The following PHACTR2 variants were observed in gnomAD, a reference collection of about 807,000 sequenced individuals.
The protein encoded by PHACTR2 is phosphatase and actin regulator 2, also known as chromosome 6 open reading frame 56.
In PHACTR2, 30 loss-of-function variants were observed where a neutral mutation model predicts 76.0. The observed-to-expected ratio is 0.39, with a 90% CI of 0.30 to 0.54. PHACTR2 has a LOEUF of 0.54. PHACTR2 is among the 20% of genes least tolerant of loss of function. PHACTR2 has a pLI of 0.61. For synonymous variants in PHACTR2, 292 were observed against 292.5 expected (o/e 1.00, Z 0.02); for missense variants, 696 against 781.1 (o/e 0.89, Z 1.30).
chr6:143,696,324 G>C lies in PHACTR2; in HGVS notation c.47-15692G>C, dbSNP rs1195330451. Among the ~76,000 whole-genome samples the C allele has an allele frequency of 6.6e-6, 1 of 152,026 alleles. No homozygotes were observed. Among genetic ancestry groups the C allele is most frequent in the East Asian group, 1.9e-4 (1 of 5,188 alleles). ...GTATACAGGAGTTTATTTATTTCAGGGGGCATTTTTGTTTTCCTGGAGACC... is the reference window on the plus strand; with the variant it reads ...GTATACAGGAGTTTATTTATTTCAGCGGGCATTTTTGTTTTCCTGGAGACC... On this transcript the variant is annotated intron_variant, in intron 1 of 12. Transcript: ENST00000440869. This position sits in a 1 kb window ranked among gnomAD's most constrained non-coding sequence, Gnocchi z 4.1.
At position 143,772,608 on chromosome 6, in the gene PHACTR2, A is replaced by C. The variant is rs552073843; in HGVS notation, c.1432+151A>C. 139 of 646,886 alleles carry C rather than the reference A, an allele frequency of 2.1e-4. No homozygotes were observed. The highest frequency in any genetic ancestry group is 1.3e-4 in the Non-Finnish European group (47 of 373,522). The allele number at this position is 646,886 out of a possible 1,614,324, so 40.1% of individuals were successfully genotyped here. A position where few individuals can be genotyped will look rare whatever the true frequency, so the allele number is the denominator to read the frequency against. Reference sequence around the variant, plus strand: ...CTCAAATTAGAAATGTGTATATCCTAAAGTTTAGCTTTTGATGGGAGGCCT... The same window carrying C: ...CTCAAATTAGAAATGTGTATATCCTCAAGTTTAGCTTTTGATGGGAGGCCT... On this transcript the variant is annotated intron_variant, in intron 7 of 12. Transcript: ENST00000440869. This position sits in a 1 kb window ranked among gnomAD's most constrained non-coding sequence, Gnocchi z 5.4.
chr6:143,703,156 T>TAAAAAAAAAAAAAAAAA (rs57738495), intron 1 of PHACTR2, among the ~76,000 whole-genome samples: 1 of 91,122 alleles, frequency 1.1e-5, no homozygotes, highest in Non-Finnish European at 2.1e-5. Flanking sequence ...AAAAAATTAC[T>TAAAAAAAAAAAAAAAAA]AAAAAAAAAA....
At position 143,776,656 on chromosome 6, in the gene PHACTR2, G is replaced by A. The variant is rs11968470; in HGVS notation, c.1590-672G>A. 2.9e-3 allele frequency among the ~76,000 whole-genome samples: 442 copies of A among 152,198 alleles called. 2 individuals carry two copies. Among genetic ancestry groups the A allele is most frequent in the African/African-American group, 0.01 (422 of 41,522 alleles). ...CACATACCTGGTTTGAACCACTGCA[G>A]TTTTTGGTCTCTGCTACAGCTTAGC... On this transcript the variant is annotated intron_variant, in intron 8 of 12. Coordinates refer to ENST00000440869, the MANE Select transcript of PHACTR2 (RefSeq NM_001100164.2). This position sits in a 1 kb window ranked among gnomAD's most constrained non-coding sequence, Gnocchi z 5.3.
At chr6:143,729,527 T>G (rs1412464123) in intron 2 of PHACTR2, among the ~76,000 whole-genome samples, 1 of 152,174 alleles carries the variant, frequency 6.6e-6, no homozygotes, top group African/African-American at 2.4e-5. Flanking sequence ...GGGTGAGGTT[T>G]GGGTCAAGGC....
intron 1 of PHACTR2, among the ~76,000 whole-genome samples, chr6:143,632,862 T>C (rs1245043676): frequency 6.6e-6 from 1 of 152,240 alleles, no homozygotes; most frequent in Non-Finnish European, 1.5e-5. Context: ...ATATGGTATA[T>C]AACCTTTTCA....
rs924125420 is a variant in PHACTR2 at position 143,652,898 on chromosome 6, T to C, written c.13+44576T>C. 2.0e-5 allele frequency among the ~76,000 whole-genome samples: 3 copies of C among 152,266 alleles called. No individual in the cohort carries two copies. Among genetic ancestry groups the C allele is most frequent in the Non-Finnish European group, 4.4e-5 (3 of 68,050 alleles). On this transcript the variant is annotated intron_variant, in intron 1 of 11. Transcript: ENST00000305766. The surrounding 1 kb of genome is among the most constrained non-coding windows in gnomAD (Gnocchi z 4.5). ...TCTAAGGAGGATGATTCATGGTCCC[T>C]GTGCAGGCACTGCACCCAGCACCTT...
At chr6:143,719,215 A>G (rs1248602323) in intron 2 of PHACTR2, among the ~76,000 whole-genome samples, 2 of 148,534 alleles carry the variant, frequency 1.3e-5, no homozygotes, top group Non-Finnish European at 3.0e-5. Flanking sequence ...TCACCCTCAC[A>G]TCATATTGGA....
At chr6:143,600,411 G>A (rs1208386554) in intron 1 of PHACTR2, among the ~76,000 whole-genome samples, 1 of 152,222 alleles carries the variant, frequency 6.6e-6, no homozygotes, top group Non-Finnish European at 1.5e-5. Flanking sequence ...GCCTTCCTCT[G>A]CATTCCAGTG....
At chr6:143,540,710 A>G (rs1184440538) in intron 1 of PHACTR2, among the ~76,000 whole-genome samples, 1 of 152,076 alleles carries the variant, frequency 6.6e-6, no homozygotes, top group Non-Finnish European at 1.5e-5. Flanking sequence ...ATCAGAAAAA[A>G]AAAACCCAAG....
chr6:143,703,362 C>A, intron 1 of PHACTR2, among the ~76,000 whole-genome samples: 1 of 151,830 alleles, frequency 6.6e-6, no homozygotes, highest in East Asian at 1.9e-4. Flanking sequence ...CTGTATGCCT[C>A]GAAAAAATCT....
chr6:143,814,367 G>C (rs571715083), intron 12 of PHACTR2, among the ~76,000 whole-genome samples: 48 of 151,966 alleles, frequency 3.2e-4, no homozygotes, highest in Non-Finnish European at 5.6e-4. Flanking sequence ...TAAATCATAA[G>C]GAAGAGAAAA....
chr6:143,608,182 T>G, upstream of PHACTR2: 3 of 892,830 alleles, frequency 3.4e-6, no homozygotes, highest in South Asian at 4.1e-5. This position sits in a 1 kb window ranked among gnomAD's most constrained non-coding sequence, Gnocchi z 4.6. Context: ...CTGCAGACAG[T>G]GCATGAAGTA....
At chr6:143,779,899 TTTATA>T (rs377378201) in intron 9 of PHACTR2, among the ~76,000 whole-genome samples, 20,748 of 140,848 alleles carry the variant, frequency 0.15, 1,680 homozygotes, top group African/African-American at 0.22. Context: ...CATATACGTA[TTTATA>T]TTATATTATA....
chr6:143,584,953 C>A (rs1247671886), intron 1 of PHACTR2, among the ~76,000 whole-genome samples: 2 of 148,216 alleles, frequency 1.3e-5, no homozygotes, highest in African/African-American at 5.0e-5. Context: ...CTCTAAACCC[C>A]AAGACCCTGG....
chr6:143,587,094 T>G (rs1449424296), intron 1 of PHACTR2, among the ~76,000 whole-genome samples: 1 of 152,236 alleles, frequency 6.6e-6, no homozygotes, highest in African/African-American at 2.4e-5. Flanking sequence ...CTACCAGTGT[T>G]CATTTAATTT....
rs1309563994 is a variant in PHACTR2, at chr6:143,648,918, CTA to C, written c.13+40598_13+40599del. 4.0e-5 allele frequency among the ~76,000 whole-genome samples: 6 copies of C among 149,598 alleles called. No individual in the cohort carries two copies. The highest frequency in any genetic ancestry group is 8.9e-5 in the Non-Finnish European group (6 of 67,304). ...TGTGTGTGTGTGTGTCTGTCTGGGT[CTA>C]TGTGTATGTCTATGTCTATGTATGT... On this transcript the variant is annotated intron_variant, in intron 1 of 11. Transcript: ENST00000305766. This position sits in a 1 kb window ranked among gnomAD's most constrained non-coding sequence, Gnocchi z 6.7.
chr6:143,699,438 A>G lies in PHACTR2; in HGVS notation c.47-12578A>G, dbSNP rs1286720665. Among the ~76,000 whole-genome samples the G allele has an allele frequency of 1.6e-4, 25 of 152,216 alleles. 1 individual carries two copies. The highest frequency in any genetic ancestry group is 1.6e-3 in the Admixed American group (24 of 15,284). On this transcript the variant is annotated intron_variant, in intron 1 of 12. Coordinates refer to ENST00000440869, the MANE Select transcript of PHACTR2 (RefSeq NM_001100164.2). The stretch of plus-strand genomic sequence containing the variant: ...ATGCCAAAGGAGTTCAACGTTCTTT[A>G]TTGTGCAAAGCCCACTTGCTCCTAA...
In PHACTR2 at chr6:143,664,394, A is replaced by G. The variant is rs1776997901; in HGVS notation, c.14-47622A>G. Among the ~76,000 whole-genome samples the G allele has an allele frequency of 6.6e-6, 1 of 152,196 alleles. No homozygotes were observed. ...TTAGATAAGAAAGCTTATTCCTTTC[A>G]TATTTATTGAGATTACTAATTTGGA... On this transcript the variant is annotated intron_variant, in intron 1 of 11. Coordinates refer to the PHACTR2 transcript ENST00000305766. This position sits in a 1 kb window ranked among gnomAD's most constrained non-coding sequence, Gnocchi z 5.1.
chr6:143,636,060 A>G (rs1776446186), intron 1 of PHACTR2, among the ~76,000 whole-genome samples: 1 of 152,088 alleles, frequency 6.6e-6, no homozygotes. Context: ...GTAAAAAACT[A>G]AAAAATTAGC....
Sources: allele counts gnomAD v4.1 joint callset (sites outside exome capture counted in the v4.1 genomes callset), GRCh38; gene constraint gnomAD v4.1.1; non-coding constraint Gnocchi (gnomAD v3.1); transcripts MANE v1.5; gene names NCBI Gene and HGNC (gene_info 2026-07-23, HGNC 2026-07-21).